Variants in ATP6V0A4 observed in about 807,000 individuals in gnomAD.
The protein encoded by ATP6V0A4 is V-type proton ATPase 116 kDa subunit a 4.
In ATP6V0A4, 86 loss-of-function variants were observed where a neutral mutation model predicts 107.3. That is an observed-to-expected ratio of 0.80 (90% CI 0.67 to 0.96). ATP6V0A4 has a LOEUF of 0.96. Ranked by LOEUF, ATP6V0A4 falls within the 40% of genes least tolerant of loss-of-function variation. ATP6V0A4 has a pLI of 0.00. For missense variants in ATP6V0A4, 908 were observed against 1,045.6 expected, an observed-to-expected ratio of 0.87 and a Z score of 1.81; for synonymous variants, 353 against 381.4, an observed-to-expected ratio of 0.93 and a Z score of 0.87.
intron 14 of ATP6V0A4, among the ~76,000 whole-genome samples, chr7:138,741,125 C>T (rs1805615551): frequency 1.3e-5 from 2 of 152,028 alleles, no homozygotes; most frequent in Admixed American, 6.6e-5. Context: ...GCCTGGGCAA[C>T]AGAGCAAGAC....
chr7:138,747,818 A>G, intron 12 of ATP6V0A4: 1 of 464,428 alleles, frequency 2.2e-6, no homozygotes, highest in Non-Finnish European at 3.8e-6. Flanking sequence ...GCAGTGGCAC[A>G]ATCATGGCTC....
chr7:138,728,777 C>G lies in ATP6V0A4; in HGVS notation c.1994G>C (p.Ser665Thr). Residue 665 changes from serine (S) to threonine (T), a missense_variant, in exon 18 of 22, where the codon AGT (serine) becomes ACT (threonine). Ser to Thr is a moderately conservative substitution (Grantham distance 58, BLOSUM62 1). Coordinates refer to ENST00000310018, the MANE Select transcript of ATP6V0A4 (RefSeq NM_020632.3). ...AGCCCTTACCTGGGATTTCCGATGA[C>G]TGGCTCTAAGAATAAACGGCTTAAT... ...LLIKPFILRASHRKSQLQASR... is the reference protein window; with the variant it reads ...LLIKPFILRATHRKSQLQASR... 1.2e-6 allele frequency: 2 copies of G among 1,614,166 alleles called. No homozygotes were observed. Among genetic ancestry groups the G allele is most frequent in the East Asian group, 4.5e-5 (2 of 44,876 alleles).
At chr7:138,747,947 G>A (rs1402957752) in intron 12 of ATP6V0A4, among the ~76,000 whole-genome samples, 1 of 151,772 alleles carries the variant, frequency 6.6e-6, no homozygotes, top group Non-Finnish European at 1.5e-5. Flanking sequence ...ATAGAGATGA[G>A]GTCTCGCTAT....
chr7:138,767,987 G>T (rs1024401381), intron 5 of ATP6V0A4, among the ~76,000 whole-genome samples: 2 of 152,160 alleles, frequency 1.3e-5, no homozygotes, highest in Non-Finnish European at 2.9e-5. Flanking sequence ...AGGCTGGAGT[G>T]CAGTGGCACA....
Position 138,724,189 on chromosome 7 carries a change from CAA to C in ATP6V0A4, c.2011-2166_2011-2165del, listed in dbSNP as rs3080498. Among the ~76,000 whole-genome samples, 490 of 92,782 alleles carry C rather than the reference CAA, an allele frequency of 5.3e-3. 3 individuals carry two copies. Among genetic ancestry groups the C allele is most frequent in the South Asian group, 0.025 (62 of 2,432 alleles). 60.9% of individuals were successfully genotyped at this position (92,782 alleles called of 152,430 possible). On this transcript the variant is annotated intron_variant, in intron 18 of 21. Coordinates refer to ENST00000310018, the MANE Select transcript of ATP6V0A4 (RefSeq NM_020632.3). ...TGGGTGACCAAGCAAGACTCTGCCT[CAA>C]AAAAAAAAAAAAAAAAAAAGTGTGT...
Position 138,769,198 on chromosome 7 carries a change from C to G in ATP6V0A4, c.171G>C (p.Arg57Ser), listed in dbSNP as rs1563012304. 1 of 1,612,066 alleles carries G rather than the reference C, an allele frequency of 6.2e-7. No individual in the cohort carries two copies. The highest frequency in any genetic ancestry group is 1.1e-5 in the South Asian group (1 of 91,048). The change falls in exon 4 of 22, where the codon AGG (arginine) becomes AGC (serine). Residue 57 changes from arginine to serine, a missense_variant. Transcript: ENST00000310018. ...FQRKFVNEVR[R>S]CESLERILRF... ...GGAGGATTCTCTCCAGTGATTCACA[C>G]CTTCTGACTTCATTCACAAATTTCC...
chr7:138,792,245 G>T (rs988596715), intron 1 of ATP6V0A4, among the ~76,000 whole-genome samples: 2 of 152,180 alleles, frequency 1.3e-5, no homozygotes, highest in Non-Finnish European at 2.9e-5. Context: ...GAGGCAGCTT[G>T]CAGTGAGCCG....
intron 14 of ATP6V0A4, among the ~76,000 whole-genome samples, chr7:138,744,601 G>A (rs1393926587): frequency 6.6e-6 from 1 of 152,160 alleles, no homozygotes; most frequent in Non-Finnish European, 1.5e-5. Flanking sequence ...TGGTGTGATT[G>A]TAGCTCATGC....
chr7:138,794,791 C>T (rs1808579130), intron 1 of ATP6V0A4, among the ~76,000 whole-genome samples: 1 of 152,116 alleles, frequency 6.6e-6, no homozygotes, highest in Admixed American at 6.5e-5. Context: ...TGTAGACCTG[C>T]TACAAACAGC....
chr7:138,722,700 A>C (rs1349063685), intron 18 of ATP6V0A4, among the ~76,000 whole-genome samples: 2 of 127,060 alleles, frequency 1.6e-5, no homozygotes, highest in Admixed American at 1.9e-4. Context: ...AGCCAAGATC[A>C]CGCCACTGCA....
intron 15 of ATP6V0A4, among the ~76,000 whole-genome samples, chr7:138,737,353 C>T (rs1805389787): frequency 6.6e-6 from 1 of 151,414 alleles, no homozygotes; most frequent in South Asian, 2.1e-4. Context: ...GGCTCTCATT[C>T]TCTCTCTTGC....
chr7:138,752,318 C>T (rs1806270943), intron 11 of ATP6V0A4, among the ~76,000 whole-genome samples: 3 of 151,218 alleles, frequency 2.0e-5, no homozygotes, highest in African/African-American at 2.4e-5. Flanking sequence ...TGCAGTGAGC[C>T]GAGACTGTGC....
At chr7:138,778,882 C>T (rs1807794815) in intron 2 of ATP6V0A4, among the ~76,000 whole-genome samples, 1 of 152,060 alleles carries the variant, frequency 6.6e-6, no homozygotes, top group South Asian at 2.1e-4. Flanking sequence ...TAATAAGCTC[C>T]CCTCCCCCGA....
At chr7:138,711,194 C>T (rs902453959) in intron 20 of ATP6V0A4, among the ~76,000 whole-genome samples, 6 of 151,920 alleles carry the variant, frequency 3.9e-5, no homozygotes, top group African/African-American at 9.7e-5. Flanking sequence ...GGCTGACAGT[C>T]GGGGAATGTT....
intron 14 of ATP6V0A4, among the ~76,000 whole-genome samples, chr7:138,744,761 G>T (rs966582141): frequency 6.6e-6 from 1 of 151,844 alleles, no homozygotes; most frequent in African/African-American, 2.4e-5. Context: ...GGAGTGCAGT[G>T]GCGCAATCTC....
chr7:138,761,114 C>T (rs142971705), intron 7 of ATP6V0A4, among the ~76,000 whole-genome samples: 197 of 152,184 alleles, frequency 1.3e-3, no homozygotes, highest in African/African-American at 4.5e-3. Context: ...CATCTGACCC[C>T]CATTTCTAAT....
intron 13 of ATP6V0A4, among the ~76,000 whole-genome samples, chr7:138,746,415 A>G (rs1163183546): frequency 6.6e-6 from 1 of 152,158 alleles, no homozygotes; most frequent in Non-Finnish European, 1.5e-5. Context: ...TGGCATGGAA[A>G]ACTATATTGG....
rs773570757 is a variant in ATP6V0A4 at position 138,739,556 on chromosome 7, G to A, written c.1556C>T (p.Pro519Leu). The stretch of plus-strand genomic sequence containing the variant: ...CATTATTACCGGATCAATCCCAAAC[G>A]GGTATGGATTTCCAAAATACACTCC... ...IPGVYFGNPY[P>L]FGIDPIWNLA... Residue 519 changes from proline to leucine, a missense_variant, in exon 15 of 22, where the codon CCG (proline) becomes CTG (leucine). Transcript: ENST00000310018. 4.4e-5 allele frequency: 71 copies of A among 1,613,980 alleles called. No homozygotes were observed. The highest frequency in any genetic ancestry group is 8.3e-5 in the Admixed American group (5 of 59,996).
intron 9 of ATP6V0A4, 148 bp from the exon 10 acceptor site, chr7:138,755,930 G>T: frequency 7.0e-7 from 1 of 1,432,188 alleles, no homozygotes; most frequent in Non-Finnish European, 9.5e-7. Context: ...TGGAAAAGGA[G>T]TCCCAGTCAT....
Sources: allele counts gnomAD v4.1 joint callset (sites outside exome capture counted in the v4.1 genomes callset), GRCh38; gene constraint gnomAD v4.1.1; transcripts MANE v1.5; gene names NCBI Gene and HGNC (gene_info 2026-07-23, HGNC 2026-07-21).